FAM120A: variants seen among roughly 807,000 people sequenced by gnomAD.
The protein encoded by FAM120A is constitutive coactivator of PPAR-gamma-like protein 1.
Under a neutral mutation model 109.7 loss-of-function variants are expected in FAM120A, and 15 were observed. The observed-to-expected ratio is 0.14, with a 90% CI of 0.09 to 0.21. The LOEUF is 0.21. Among genes scored for constraint, FAM120A ranks in the 10% least tolerant of loss-of-function variants. The probability of loss-of-function intolerance (pLI) is 1.00; values close to 1 mark genes in which losing one functional copy is unlikely to be tolerated. For synonymous variants in FAM120A, 493 were observed against 572.8 expected (o/e 0.86, Z 1.99); for missense variants, 899 against 1,439.3 (o/e 0.62, Z 6.07).
chr9:93,543,646 AAATATATTTT>A (rs1296177049), intron 11 of FAM120A, among the ~76,000 whole-genome samples, 175 bp downstream of exon 11: 1 of 152,216 alleles, frequency 6.6e-6, no homozygotes, highest in Non-Finnish European at 1.5e-5. Flanking sequence ...TGTAAATGCA[AAATATATTTT>A]AATTTATATG....
chr9:93,560,209 C>T (rs1043095407), intron 15 of FAM120A, among the ~76,000 whole-genome samples: 1 of 151,790 alleles, frequency 6.6e-6, no homozygotes, highest in Non-Finnish European at 1.5e-5. Context: ...GCGGGAGGAT[C>T]GCTAGAGCTG....
intron 10 of FAM120A, among the ~76,000 whole-genome samples, chr9:93,534,251 T>G (rs1279136431): frequency 6.6e-6 from 1 of 151,228 alleles, no homozygotes; most frequent in Non-Finnish European, 1.5e-5. Context: ...AGCACGTAGG[T>G]GGTGGGGGAC....
Position 93,550,666 on chromosome 9 carries a change from A to G in FAM120A, c.2249A>G (p.Glu750Gly). Residue 750 changes from glutamate to glycine, a missense_variant, in exon 12 of 18, where the codon GAG (glutamate) becomes GGG (glycine). By Grantham distance (98) the Glu-to-Gly change is moderately conservative. Coordinates refer to ENST00000277165, the MANE Select transcript of FAM120A (RefSeq NM_014612.5). Reference sequence around the variant, plus strand: ...CAGGCGCTGTCCCCCAAACTCTACGAGCCTGATCAGCTCCAGGAGCTCAAG... The same window carrying G: ...CAGGCGCTGTCCCCCAAACTCTACGGGCCTGATCAGCTCCAGGAGCTCAAG... ...LAQALSPKLY[E>G]PDQLQELKIE... 3 of 1,613,900 alleles carry G rather than the reference A, an allele frequency of 1.9e-6. No homozygotes were observed. The highest frequency in any genetic ancestry group is 2.5e-6 in the Non-Finnish European group (3 of 1,179,982).
At chr9:93,530,456 A>G (rs1474781679) in intron 9 of FAM120A, 1 of 152,232 alleles carries the variant, frequency 6.6e-6, no homozygotes, top group Non-Finnish European at 1.5e-5. Flanking sequence ...AAATGGAGTC[A>G]ATAAATGCAA....
intron 11 of FAM120A, among the ~76,000 whole-genome samples, chr9:93,547,664 T>C (rs1165095915): frequency 6.6e-6 from 1 of 152,118 alleles, no homozygotes; most frequent in African/African-American, 2.4e-5. Context: ...ATCTGCTTGA[T>C]TGCATGGAAA....
At chr9:93,552,781 T>A (rs1862145281) in intron 12 of FAM120A, among the ~76,000 whole-genome samples, 1 of 152,250 alleles carries the variant, frequency 6.6e-6, no homozygotes, top group South Asian at 2.1e-4. Context: ...TTTGTTGTAA[T>A]ACACCATTCA....
At chr9:93,507,116 C>CA (rs797004803) in intron 5 of FAM120A, among the ~76,000 whole-genome samples, 50 of 152,182 alleles carry the variant, frequency 3.3e-4, no homozygotes, top group African/African-American at 1.2e-3. Context: ...CAGAGGGGAT[C>CA]AGAGTGGGCA....
At chr9:93,543,510 C>T (rs765260715) in intron 11 of FAM120A, 39 bp downstream of exon 11, 24 of 1,602,394 alleles carry the variant, frequency 1.5e-5, no homozygotes, top group Non-Finnish European at 2.0e-5. Context: ...TGGGTCCCCG[C>T]CAGGTGTAGG....
chr9:93,537,713 G>T (rs1284354949), intron 10 of FAM120A, among the ~76,000 whole-genome samples: 1 of 151,894 alleles, frequency 6.6e-6, no homozygotes, highest in Non-Finnish European at 1.5e-5. Context: ...GTTTTTATTT[G>T]TGCTAATAAT....
chr9:93,520,855 C>T (rs1860816812), intron 7 of FAM120A, among the ~76,000 whole-genome samples: 1 of 152,252 alleles, frequency 6.6e-6, no homozygotes, highest in Non-Finnish European at 1.5e-5. Flanking sequence ...AGCCAGTCCT[C>T]AGGGGCAGTA....
At chr9:93,506,185 A>C (rs1860044936) in intron 5 of FAM120A, among the ~76,000 whole-genome samples, 1 of 152,270 alleles carries the variant, frequency 6.6e-6, no homozygotes, top group Admixed American at 6.5e-5. Flanking sequence ...TTTTATGTAC[A>C]TTTTATGATC....
At chr9:93,494,278 A>G (rs142364957) in intron 3 of FAM120A, among the ~76,000 whole-genome samples, 6 of 152,282 alleles carry the variant, frequency 3.9e-5, no homozygotes, top group East Asian at 1.9e-4. Flanking sequence ...TGTTGCTTCA[A>G]TCTTTCCTTC....
chr9:93,521,820 G>A (rs1564342444), intron 7 of FAM120A, among the ~76,000 whole-genome samples: 1 of 152,240 alleles, frequency 6.6e-6, no homozygotes, highest in East Asian at 1.9e-4. Flanking sequence ...GGGTGCAATG[G>A]CTCATGCCTG....
At chr9:93,538,351 TA>T (rs1861590717) in intron 10 of FAM120A, among the ~76,000 whole-genome samples, 1 of 152,088 alleles carries the variant, frequency 6.6e-6, no homozygotes, top group Non-Finnish European at 1.5e-5. Context: ...TGGGGCTGCT[TA>T]AAAATTAGGG....
chr9:93,558,149 A>C, intron 14 of FAM120A, 139 bp downstream of exon 14: 1 of 924,696 alleles, frequency 1.1e-6, no homozygotes, highest in Non-Finnish European at 1.6e-6. Flanking sequence ...GCAGTTCTTC[A>C]AGTCCGTGAG....
chr9:93,467,222 A>AT (rs1858068299), intron 1 of FAM120A, among the ~76,000 whole-genome samples: 1 of 110,148 alleles, frequency 9.1e-6, no homozygotes, highest in South Asian at 2.5e-4. Context: ...GTTTTTTGTG[A>AT]TTTTCTTTGC....
chr9:93,560,602 C>G (rs1862435215), intron 15 of FAM120A, among the ~76,000 whole-genome samples: 1 of 152,102 alleles, frequency 6.6e-6, no homozygotes, highest in Non-Finnish European at 1.5e-5. Flanking sequence ...AGAGAATTTT[C>G]TTAGGTCAGA....
At chr9:93,561,082 T>G in intron 15 of FAM120A, 27 bp from the exon 16 acceptor site, 2 of 1,610,006 alleles carry the variant, frequency 1.2e-6, no homozygotes, top group Non-Finnish European at 8.5e-7. Context: ...TGTAAAGATT[T>G]TGTCTTTTTG....
At chr9:93,506,415 TG>T (rs1186400656) in intron 5 of FAM120A, among the ~76,000 whole-genome samples, 1 of 152,122 alleles carries the variant, frequency 6.6e-6, no homozygotes, top group African/African-American at 2.4e-5. Flanking sequence ...TATTTCTATG[TG>T]TGTCTTATAT....
Sources: gnomAD v4.1 joint callset for allele counts (sites outside exome capture counted in the v4.1 genomes callset) on GRCh38, gnomAD v4.1.1 for gene constraint, MANE v1.5 for transcripts, NCBI Gene and HGNC (gene_info 2026-07-23, HGNC 2026-07-21) for gene names.